Variants in GRB10 observed in about 807,000 individuals in gnomAD.
GRB10 encodes growth factor receptor bound protein 10.
A neutral mutation model predicts 80.9 loss-of-function variants in GRB10; 20 were observed. That is an observed-to-expected ratio of 0.25 (90% CI 0.17 to 0.36). GRB10 has a LOEUF of 0.36. Among genes scored for constraint, GRB10 ranks in the 10% least tolerant of loss-of-function variants. GRB10 has a pLI of 1.00. For synonymous variants in GRB10, 291 were observed against 291.5 expected (o/e 1.00, Z 0.02); for missense variants, 548 against 747.7 (o/e 0.73, Z 3.12).
At chr7:50,612,868 G>A in intron 12 of GRB10, 29 bp from the exon 13 acceptor site, 3 of 1,454,290 alleles carry the variant, frequency 2.1e-6, no homozygotes, top group African/African-American at 2.8e-5. Flanking sequence ...AGTCCTGTTA[G>A]TGTTACACAG....
At chr7:50,734,285 C>T (rs1193648573) in intron 3 of GRB10, among the ~76,000 whole-genome samples, 1 of 152,130 alleles carries the variant, frequency 6.6e-6, no homozygotes, top group African/African-American at 2.4e-5. Context: ...ACCCCACCAC[C>T]TCCCATGTCC....
intron 7 of GRB10, among the ~76,000 whole-genome samples, chr7:50,634,853 T>C (rs985235706): frequency 1.3e-5 from 2 of 152,214 alleles, no homozygotes; most frequent in Non-Finnish European, 2.9e-5. Context: ...ATTTTGGAAA[T>C]ACGTGTGCAA....
chr7:50,671,966 A>C (rs1398916138), intron 6 of GRB10, among the ~76,000 whole-genome samples: 1 of 152,220 alleles, frequency 6.6e-6, no homozygotes, highest in Non-Finnish European at 1.5e-5. Flanking sequence ...GGATGGTGGC[A>C]GGAACTGCAG....
intron 6 of GRB10, among the ~76,000 whole-genome samples, chr7:50,670,382 G>A (rs558988530): frequency 2.6e-5 from 4 of 152,032 alleles, no homozygotes; most frequent in Non-Finnish European, 2.9e-5. Flanking sequence ...TAATACTACC[G>A]AACTGTACCC....
intron 3 of GRB10, among the ~76,000 whole-genome samples, chr7:50,752,150 A>C (rs2074216082): frequency 1.3e-5 from 2 of 152,164 alleles, no homozygotes; most frequent in Admixed American, 6.5e-5. Context: ...GAAACAAGAC[A>C]ATAAGAACTC....
intron 6 of GRB10, among the ~76,000 whole-genome samples, chr7:50,671,682 G>A (rs1184750291): frequency 4.6e-5 from 7 of 152,242 alleles, no homozygotes; most frequent in Non-Finnish European, 1.0e-4. Flanking sequence ...TGGATAAAAC[G>A]GGTGGCCAGT....
At position 50,720,539 on chromosome 7, in the gene GRB10, G is replaced by A. The variant is rs140597025; in HGVS notation, c.51+11733C>T. ...AGCAGAGGACAGGCACATCCCGGAC[G>A]GGGAGCCCAGCACATATGGCAACAC... is the stretch of plus-strand genomic sequence containing the variant. On this transcript the variant is annotated intron_variant, in intron 4 of 18. Transcript: ENST00000401949. Among the ~76,000 whole-genome samples the A allele has an allele frequency of 1.6e-3, 241 of 152,196 alleles. 1 individual carries two copies. The highest frequency in any genetic ancestry group is 5.4e-3 in the African/African-American group (224 of 41,524).
In GRB10 at chr7:50,704,294, G is replaced by A. The variant is rs185053457; in HGVS notation, c.52-386C>T. Reference sequence around the variant, plus strand: ...TCAAGTGCTGGGCGTTCTATTACCTGGGACAGAAACATCTAGAGAGTGTTT... The same window carrying A: ...TCAAGTGCTGGGCGTTCTATTACCTAGGACAGAAACATCTAGAGAGTGTTT... On this transcript the variant is annotated intron_variant, in intron 4 of 18. Coordinates refer to ENST00000401949, the MANE Select transcript of GRB10 (RefSeq NM_001350814.2). Among the ~76,000 whole-genome samples, 16 of 152,296 alleles carry A rather than the reference G, an allele frequency of 1.1e-4. No homozygotes were observed. The East Asian group carries it at 3.1e-3, about 29-fold the overall frequency.
At chr7:50,618,205 T>C (rs2050999680) in intron 9 of GRB10, 66 bp from the exon 10 acceptor site, 1 of 1,183,068 alleles carries the variant, frequency 8.5e-7, no homozygotes, top group African/African-American at 1.5e-5. Context: ...GTATGTCATA[T>C]AGATATGTCA....
intron 5 of GRB10, among the ~76,000 whole-genome samples, chr7:50,686,269 G>A (rs190754811): frequency 3.3e-5 from 5 of 152,234 alleles, no homozygotes; most frequent in African/African-American, 1.2e-4. Flanking sequence ...GTGAGGACAC[G>A]GCAAGAAGAC....
At chr7:50,685,922 T>G (rs1421305079) in intron 5 of GRB10, among the ~76,000 whole-genome samples, 1 of 152,250 alleles carries the variant, frequency 6.6e-6, no homozygotes, top group East Asian at 1.9e-4. Context: ...ACACTCCAGA[T>G]GGGCCTTAAG....
At chr7:50,741,041 T>C (rs974436921) in intron 3 of GRB10, among the ~76,000 whole-genome samples, 2 of 152,120 alleles carry the variant, frequency 1.3e-5, no homozygotes, top group Non-Finnish European at 2.9e-5. Context: ...ATAAAAACAG[T>C]ATTATCCTCC....
At chr7:50,716,103 T>G (rs1423260105) in intron 4 of GRB10, among the ~76,000 whole-genome samples, 1 of 152,126 alleles carries the variant, frequency 6.6e-6, no homozygotes, top group East Asian at 1.9e-4. Flanking sequence ...CGCATGCATG[T>G]AAGGAAAATA....
At chr7:50,641,205 C>G (rs185982491) in intron 7 of GRB10, among the ~76,000 whole-genome samples, 5 of 151,054 alleles carry the variant, frequency 3.3e-5, no homozygotes, top group African/African-American at 7.4e-5. Flanking sequence ...TTCGTCTGTT[C>G]GATGAATGAA....
At chr7:50,771,428 T>C (rs996542980) in intron 2 of GRB10, among the ~76,000 whole-genome samples, 1 of 152,090 alleles carries the variant, frequency 6.6e-6, no homozygotes, top group African/African-American at 2.4e-5. Context: ...AGAATGTTCC[T>C]CCCCTGCCTC....
chr7:50,693,219 G>GA (rs1348744061), intron 5 of GRB10, among the ~76,000 whole-genome samples: 5 of 151,562 alleles, frequency 3.3e-5, no homozygotes, highest in South Asian at 4.2e-4. Flanking sequence ...CTTCTTGGAG[G>GA]AAAAAAAACA....
At chr7:50,710,740 G>T in intron 4 of GRB10, 1 of 917,944 alleles carries the variant, frequency 1.1e-6, no homozygotes. Context: ...CTCACCTTCG[G>T]GGTATCTCCA....
chr7:50,592,652 T>C lies in GRB10; in HGVS notation c.*300A>G. 2.2e-6 allele frequency: 1 copy of C among 464,376 alleles called. No individual in the cohort carries two copies. Among genetic ancestry groups the C allele is most frequent in the Non-Finnish European group, 4.0e-6 (1 of 252,116 alleles). The allele number at this position is 464,376 out of a possible 1,614,324, so 28.8% of individuals were successfully genotyped here. Reference sequence around the variant, plus strand: ...ATTTCCAATCACTTCTCTCCGGTTCTTGTTCCTAAGCGGCCCAAGCCAAGA... The same window carrying C: ...ATTTCCAATCACTTCTCTCCGGTTCCTGTTCCTAAGCGGCCCAAGCCAAGA... On this transcript the variant is annotated 3_prime_UTR_variant, in exon 19 of 19. Transcript: ENST00000401949.
intron 7 of GRB10, among the ~76,000 whole-genome samples, chr7:50,657,527 C>T (rs768857550): frequency 5.3e-5 from 8 of 152,210 alleles, no homozygotes; most frequent in Admixed American, 1.3e-4. Flanking sequence ...TAAATCTTTT[C>T]GGGGATTTCC....
Sources: gnomAD v4.1 joint callset for allele counts (sites outside exome capture counted in the v4.1 genomes callset) on GRCh38, gnomAD v4.1.1 for gene constraint, MANE v1.5 for transcripts, NCBI Gene and HGNC (gene_info 2026-07-23, HGNC 2026-07-21) for gene names.